Variants in LUZP1 observed in about 807,000 individuals in gnomAD.
LUZP1 encodes leucine zipper protein 1, also known as filamin mechanobinding actin cross-linking protein.
In LUZP1, 25 loss-of-function variants were observed where a neutral mutation model predicts 71.3. The ratio of observed to expected loss-of-function variants is 0.35; its 90% CI spans 0.26 to 0.49. The LOEUF is 0.49. Ranked by LOEUF, LUZP1 falls within the 20% of genes least tolerant of loss-of-function variation. LUZP1 has a pLI of 0.99. For missense variants in LUZP1, 1,142 were observed against 1,300.8 expected, an observed-to-expected ratio of 0.88 and a Z score of 1.88; for synonymous variants, 481 against 506.4, an observed-to-expected ratio of 0.95 and a Z score of 0.67.
chr1:23,166,200 A>C (rs1436601404), intron 2 of LUZP1, among the ~76,000 whole-genome samples: 1 of 152,196 alleles, frequency 6.6e-6, no homozygotes, highest in Non-Finnish European at 1.5e-5. Flanking sequence ...AGGCCAAAAA[A>C]CTAGGTCTCA....
chr1:23,113,466 A>C (rs1644050811), intron 2 of LUZP1, among the ~76,000 whole-genome samples: 1 of 152,138 alleles, frequency 6.6e-6, no homozygotes, highest in South Asian at 2.1e-4. Flanking sequence ...AATTAAACCC[A>C]TTTGCAATTT....
intron 2 of LUZP1, among the ~76,000 whole-genome samples, chr1:23,134,639 G>C (rs141670012): frequency 1.8e-4 from 27 of 152,146 alleles, no homozygotes; most frequent in African/African-American, 6.3e-4. Flanking sequence ...AAATTAGCCT[G>C]GCATGGTGGC....
chr1:23,156,355 G>C (rs994088055), intron 2 of LUZP1, among the ~76,000 whole-genome samples: 1 of 152,176 alleles, frequency 6.6e-6, no homozygotes, highest in East Asian at 1.9e-4. Context: ...ACTCCAGCCT[G>C]GGCAACAGAG....
chr1:23,142,471 T>C (rs557542966), intron 2 of LUZP1, among the ~76,000 whole-genome samples: 59 of 152,248 alleles, frequency 3.9e-4, no homozygotes, highest in Middle Eastern at 3.4e-3. Context: ...TTTTTGCTGT[T>C]TGATCACTGA....
At position 23,094,806 on chromosome 1, in the gene LUZP1, C is replaced by T. The variant is rs1433762053; in HGVS notation, c.-119-426G>A. On this transcript the variant is annotated intron_variant, in intron 3 of 4. Coordinates refer to ENST00000302291, the Ensembl canonical transcript of LUZP1. This position sits in a 1 kb window ranked among gnomAD's most constrained non-coding sequence, Gnocchi z 4.7. ...TGTTCTGAGATAATATGTGGAAGAT[C>T]TTGGTAACAAAGCAATAAACAATCC... is the stretch of plus-strand genomic sequence containing the variant. Among the ~76,000 whole-genome samples, 1 of 152,038 alleles carries T rather than the reference C, an allele frequency of 6.6e-6. No individual in the cohort carries two copies.
At chr1:23,117,518 GC>G (rs1557654157) in intron 2 of LUZP1, among the ~76,000 whole-genome samples, 7 of 71,938 alleles carry the variant, frequency 9.7e-5, no homozygotes, top group South Asian at 7.1e-4. Flanking sequence ...GGGGGGGGGG[GC>G]GGGGGGGGGG....
intron 2 of LUZP1, among the ~76,000 whole-genome samples, chr1:23,139,029 TATATATATATA>T (rs1644282096): frequency 5.1e-5 from 5 of 97,994 alleles, no homozygotes; most frequent in Non-Finnish European, 9.8e-5. Context: ...AATATATATA[TATATATATATA>T]TATATACACA....
At chr1:23,177,082 G>T (rs1052054083) in intron 1 of LUZP1, among the ~76,000 whole-genome samples, 2 of 149,198 alleles carry the variant, frequency 1.3e-5, no homozygotes, top group Non-Finnish European at 3.0e-5. Flanking sequence ...ATGGGGGGGG[G>T]GTCTCACTAT....
At chr1:23,114,346 T>C (rs1644059676) in intron 2 of LUZP1, among the ~76,000 whole-genome samples, 2 of 152,166 alleles carry the variant, frequency 1.3e-5, no homozygotes, top group Non-Finnish European at 2.9e-5. Context: ...GGAAGGATTT[T>C]AATAATTTTT....
chr1:23,093,292 C>A lies in LUZP1; in HGVS notation c.970G>T (p.Asp324Tyr), dbSNP rs769933890. 1.9e-6 allele frequency: 3 copies of A among 1,611,158 alleles called. No individual in the cohort carries two copies. The highest frequency in any genetic ancestry group is 2.5e-6 in the Non-Finnish European group (3 of 1,179,312). The change falls in exon 4 of 5, where the codon GAT becomes TAT. Residue 324 changes from aspartate (D) to tyrosine (Y), a missense_variant. Coordinates refer to ENST00000302291, the Ensembl canonical transcript of LUZP1. The surrounding 1 kb of genome is among the most constrained non-coding windows in gnomAD (Gnocchi z 4.2). ...TTATTTTGTTCACTTAGGTAATTAT[C>A]CTGAAGGTCGTTATTTTTGGACTTC...
Position 23,093,150 on chromosome 1 carries a change from T to G in LUZP1, c.1112A>C (p.His371Pro). Residue 371 changes from histidine (H) to proline (P), a missense_variant, in exon 4 of 5, where the codon CAT becomes CCT. Transcript: ENST00000302291. This position sits in a 1 kb window ranked among gnomAD's most constrained non-coding sequence, Gnocchi z 4.2. ...GTGGCCTCTAAACTTAGTCCTCTCA[T>G]GTCTGCCTTTGCTGGACAGGAAAGC... The G allele has an allele frequency of 1.2e-6, 2 of 1,614,146 alleles. No individual in the cohort carries two copies. The highest frequency in any genetic ancestry group is 1.7e-6 in the Non-Finnish European group (2 of 1,180,004).
At position 23,117,529 on chromosome 1, in the gene LUZP1, G is replaced by GGGGGA. The variant is rs371517574; in HGVS notation, c.-225-8403_-225-8402insTCCCC. Among the ~76,000 whole-genome samples the GGGGGA allele has an allele frequency of 2.2e-3, 191 of 85,602 alleles. 12 individuals are homozygous for GGGGGA. The highest frequency in any genetic ancestry group is 0.011 in the South Asian group (24 of 2,102). The allele number at this position is 85,602 out of a possible 152,430, so 56.2% of individuals were successfully genotyped here. On this transcript the variant is annotated intron_variant, in intron 2 of 4. Coordinates refer to ENST00000302291, the Ensembl canonical transcript of LUZP1. ...CCCTGGGGGGGGGGGCGGGGGGGGG[G>GGGGGA]AACACCTTGAGAAAGTAACTTGCCC...
intron 1 of LUZP1, among the ~76,000 whole-genome samples, chr1:23,176,878 GTTTTTT>G (rs1644585209): frequency 9.0e-6 from 1 of 111,496 alleles, no homozygotes; most frequent in African/African-American, 3.6e-5. Context: ...ATTTTGGGGG[GTTTTTT>G]GTTTTTTGTT....
At chr1:23,110,680 A>G (rs1410605190) in intron 2 of LUZP1, among the ~76,000 whole-genome samples, 2 of 151,232 alleles carry the variant, frequency 1.3e-5, no homozygotes, top group African/African-American at 2.4e-5. Flanking sequence ...CCCTGCCTCT[A>G]TCTTCCCAGA....
exon 4 of LUZP1, chr1:23,091,379 T>C (rs765692465): frequency 6.2e-7 from 1 of 1,614,214 alleles, no homozygotes; most frequent in Non-Finnish European, 8.5e-7. Context: ...GTTCGAGTTC[T>C]GAGAAGTCTG....
At chr1:23,151,519 A>G (rs1203149409) in intron 2 of LUZP1, among the ~76,000 whole-genome samples, 2 of 152,314 alleles carry the variant, frequency 1.3e-5, no homozygotes, top group East Asian at 3.9e-4. Flanking sequence ...ATAGAGGAGC[A>G]GAAAGAACAT....
exon 5 of LUZP1, chr1:23,088,741 C>T (rs1457184251): frequency 2.7e-6 from 3 of 1,115,622 alleles, no homozygotes; most frequent in Non-Finnish European, 3.7e-6. Flanking sequence ...GGCCAAATGG[C>T]AAAAATTACC....
chr1:23,135,491 G>C (rs1052435577), intron 2 of LUZP1, among the ~76,000 whole-genome samples: 9 of 152,124 alleles, frequency 5.9e-5, no homozygotes, highest in African/African-American at 2.2e-4. Flanking sequence ...TTCCAACATA[G>C]TTGCATATTC....
intron 2 of LUZP1, among the ~76,000 whole-genome samples, chr1:23,127,201 AT>A (rs1475027568): frequency 6.6e-6 from 1 of 152,216 alleles, no homozygotes; most frequent in African/African-American, 2.4e-5. Context: ...CCTCAAAATA[AT>A]TCTATAAGAG....
Sources: gnomAD v4.1 joint callset for allele counts (sites outside exome capture counted in the v4.1 genomes callset) on GRCh38, gnomAD v4.1.1 for gene constraint, Gnocchi (gnomAD v3.1) non-coding constraint, MANE v1.5 for transcripts, NCBI Gene and HGNC (gene_info 2026-07-23, HGNC 2026-07-21) for gene names.